The following UNC13C variants were observed in gnomAD, a reference collection of about 807,000 sequenced individuals.
UNC13C encodes protein unc-13 homolog C.
Under a neutral mutation model 245.4 loss-of-function variants are expected in UNC13C, and 174 were observed. The ratio of observed to expected loss-of-function variants is 0.71; its 90% CI spans 0.63 to 0.80. UNC13C has a LOEUF of 0.80. Ranked by LOEUF, UNC13C falls within the 30% of genes least tolerant of loss-of-function variation. The pLI is 0.00. For missense variants in UNC13C, 2,829 were observed against 2,602.9 expected, an observed-to-expected ratio of 1.09 and a Z score of -1.89; for synonymous variants, 992 against 895.1, an observed-to-expected ratio of 1.11 and a Z score of -1.93.
chr15:54,024,668 C>T lies in UNC13C; in HGVS notation c.2983+8782C>T, dbSNP rs1595730401. ...GCGCGGTGGCTCACGTCTGTAATCC[C>T]AGCACTTTGGGAGGCCGAGGCGGGC... On this transcript the variant is annotated intron_variant, in intron 2 of 32. Coordinates refer to ENST00000260323, the MANE Select transcript of UNC13C (RefSeq NM_001080534.3). Among the ~76,000 whole-genome samples the T allele has an allele frequency of 1.3e-5, 2 of 152,186 alleles. 1 individual carries two copies. Among genetic ancestry groups the T allele is most frequent in the South Asian group, 4.2e-4 (2 of 4,818 alleles).
the UNC13C span, among the ~76,000 whole-genome samples, chr15:53,965,722 C>T: frequency 0.047 from 7,108 of 152,016 alleles, 267 homozygotes; most frequent in African/African-American, 0.1. Flanking sequence ...CCCACTCCCC[C>T]TACCCCACAA....
the UNC13C span, among the ~76,000 whole-genome samples, chr15:53,904,618 C>T: frequency 2.0e-5 from 3 of 152,022 alleles, no homozygotes; most frequent in Admixed American, 6.6e-5. Context: ...ATACAAAGTA[C>T]GATATTCTGA....
intron 2 of UNC13C, among the ~76,000 whole-genome samples, chr15:54,093,755 A>T (rs1487312474): frequency 1.3e-5 from 2 of 152,158 alleles, no homozygotes; most frequent in East Asian, 1.9e-4. Context: ...TTCAATTCCG[A>T]TGGAGAAAAG....
intron 2 of UNC13C, among the ~76,000 whole-genome samples, chr15:54,095,297 G>T (rs1899795944): frequency 6.6e-6 from 1 of 152,078 alleles, no homozygotes; most frequent in Non-Finnish European, 1.5e-5. Flanking sequence ...GGTTGAAAAA[G>T]GATCTCCTAT....
chr15:54,279,078 A>G (rs190061765), intron 10 of UNC13C, among the ~76,000 whole-genome samples: 1 of 152,308 alleles, frequency 6.6e-6, no homozygotes, highest in East Asian at 1.9e-4. Flanking sequence ...TTAAGTTTGC[A>G]TTTTAATGAT....
chr15:54,411,998 G>C (rs573818187), intron 18 of UNC13C, among the ~76,000 whole-genome samples: 17 of 151,808 alleles, frequency 1.1e-4, no homozygotes, highest in Non-Finnish European at 1.5e-4. Context: ...TATAAATCTT[G>C]TACATATTAT....
At chr15:53,875,908 A>G in the UNC13C span, among the ~76,000 whole-genome samples, 1 of 152,142 alleles carries the variant, frequency 6.6e-6, no homozygotes, top group African/African-American at 2.4e-5. Flanking sequence ...TGAAGTGTCA[A>G]TGTTACTTCC....
rs779998674 is a variant in UNC13C at position 54,626,847 on chromosome 15, C to T, written c.6379C>T (p.Arg2127Ter). 1.6e-5 allele frequency: 25 copies of T among 1,611,228 alleles called. No individual in the cohort carries two copies. The highest frequency in any genetic ancestry group is 1.6e-4 in the Middle Eastern group (1 of 6,064). ...TFQFILGKENRPGAYELHLSV... is the reference protein window; with the variant it reads ...TFQFILGKEN The stretch of plus-strand genomic sequence containing the variant: ...ACACAGCATTCTCGGAAAGGAAAAT[C>T]GACCAGGGGCTTATGAACTTCATCT... Residue 2127 changes from arginine to a stop codon, truncating the protein, a stop_gained, in exon 33 of 33, where the codon CGA becomes TGA. Coordinates refer to ENST00000260323, the MANE Select transcript of UNC13C (RefSeq NM_001080534.3). LOFTEE classifies it high-confidence loss of function.
At chr15:54,021,537 A>G (rs1004140186) in intron 2 of UNC13C, among the ~76,000 whole-genome samples, 1 of 152,194 alleles carries the variant, frequency 6.6e-6, no homozygotes, top group Non-Finnish European at 1.5e-5. Flanking sequence ...CTTTTTAAAG[A>G]CCGTGTAGTG....
rs571786134 is a variant in UNC13C at position 54,310,152 on chromosome 15, G to A, written c.4268+9779G>A. On this transcript the variant is annotated intron_variant, in intron 13 of 32. Transcript: ENST00000260323. ...AAGAAGTGGTTTGCAGCACCTCTGA[G>A]TCAGTCATTTTTAATTATTGGTTGT... Among the ~76,000 whole-genome samples the A allele has an allele frequency of 3.1e-4, 47 of 151,764 alleles. 1 individual carries two copies. The highest frequency in any genetic ancestry group is 1.1e-3 in the African/African-American group (46 of 41,452).
intron 26 of UNC13C, among the ~76,000 whole-genome samples, chr15:54,542,366 C>G (rs933862383): frequency 2.0e-5 from 3 of 151,886 alleles, no homozygotes; most frequent in Non-Finnish European, 4.4e-5. Flanking sequence ...CTGAGAGACT[C>G]TTTGTTATGA....
chr15:54,355,017 A>G (rs574612324), intron 17 of UNC13C, among the ~76,000 whole-genome samples: 1 of 152,192 alleles, frequency 6.6e-6, no homozygotes, highest in East Asian at 1.9e-4. Context: ...TTGGAACAGG[A>G]AGAAAGGCCT....
intron 10 of UNC13C, among the ~76,000 whole-genome samples, chr15:54,287,753 A>G (rs1229479366): frequency 1.3e-5 from 2 of 152,138 alleles, no homozygotes; most frequent in African/African-American, 4.8e-5. Context: ...GCATAAAACT[A>G]AAAAAGGGAA....
the UNC13C span, among the ~76,000 whole-genome samples, chr15:53,844,887 G>A: frequency 6.6e-6 from 1 of 152,174 alleles, no homozygotes; most frequent in Non-Finnish European, 1.5e-5. Context: ...CAAGGAGAGA[G>A]TGTTTGTCAC....
intron 19 of UNC13C, among the ~76,000 whole-genome samples, chr15:54,450,247 G>A (rs543228122): frequency 2.2e-4 from 34 of 152,352 alleles, no homozygotes; most frequent in Admixed American, 1.4e-3. Context: ...CAGTCTGTCC[G>A]TTCTCAGATC....
At chr15:53,936,250 C>T in the UNC13C span, among the ~76,000 whole-genome samples, 1 of 152,020 alleles carries the variant, frequency 6.6e-6, no homozygotes, top group Non-Finnish European at 1.5e-5. Context: ...TTCCACAAGG[C>T]AGCAGATCAT....
chr15:53,981,536 A>G (rs1893927371), intron 1 of UNC13C, among the ~76,000 whole-genome samples: 1 of 152,172 alleles, frequency 6.6e-6, no homozygotes, highest in Non-Finnish European at 1.5e-5. Context: ...AAAGTATCAA[A>G]TTTGTATTTC....
intron 30 of UNC13C, among the ~76,000 whole-genome samples, chr15:54,596,005 A>C (rs188906859): frequency 3.0e-4 from 45 of 152,318 alleles, no homozygotes; most frequent in Admixed American, 2.6e-4. Flanking sequence ...GAAGAAAAAA[A>C]AAAGTCTTCA....
intron 13 of UNC13C, among the ~76,000 whole-genome samples, chr15:54,318,365 C>T (rs1012759860): frequency 1.3e-5 from 2 of 151,896 alleles, no homozygotes; most frequent in African/African-American, 4.8e-5. Context: ...GTTCCCTTTT[C>T]TCCACATCCT....
Sources: allele counts gnomAD v4.1 joint callset (sites outside exome capture counted in the v4.1 genomes callset), GRCh38; gene constraint gnomAD v4.1.1; transcripts MANE v1.5; gene names NCBI Gene and HGNC (gene_info 2026-07-23, HGNC 2026-07-21).